AFTPH: variants seen among roughly 807,000 people sequenced by gnomAD.
The protein encoded by AFTPH is aftiphilin.
Under a neutral mutation model 72.5 loss-of-function variants are expected in AFTPH, and 7 were observed. The ratio of observed to expected loss-of-function variants is 0.10; its 90% CI spans 0.05 to 0.18. AFTPH has a LOEUF of 0.18. Ranked by LOEUF, AFTPH falls within the 10% of genes least tolerant of loss-of-function variation. The pLI is 1.00. For missense variants in AFTPH, 979 were observed against 1,060.5 expected, an observed-to-expected ratio of 0.92 and a Z score of 1.07; for synonymous variants, 337 against 370.1, an observed-to-expected ratio of 0.91 and a Z score of 1.03.
chr2:64,552,471 A>G lies in AFTPH; in HGVS notation c.997A>G (p.Lys333Glu). 3 of 1,614,066 alleles carry G rather than the reference A, an allele frequency of 1.9e-6. No individual in the cohort carries two copies. Among genetic ancestry groups the G allele is most frequent in the South Asian group, 1.1e-5 (1 of 91,080 alleles). The change falls in exon 2 of 9, where the codon AAG becomes GAG. Residue 333 changes from lysine to glutamate, a missense_variant. Physicochemically the swap from Lys to Glu is moderately conservative, Grantham distance 56. Transcript: ENST00000238856. ...ATTTTTACAGTCAGGTGTTCAGTCA[A>G]AGGCTTGGAGTTTGGTAGACTCAGC...
intron 1 of AFTPH, among the ~76,000 whole-genome samples, chr2:64,527,744 A>G (rs1364533778): frequency 6.6e-6 from 1 of 152,216 alleles, no homozygotes; most frequent in Non-Finnish European, 1.5e-5. Flanking sequence ...AAGTTAAAAA[A>G]ATGTTTTTAA....
chr2:64,555,234 A>G (rs1249167724), intron 2 of AFTPH, among the ~76,000 whole-genome samples: 1 of 152,174 alleles, frequency 6.6e-6, no homozygotes, highest in African/African-American at 2.4e-5. Context: ...TTTTATAAAA[A>G]TAAAACAAAC....
chr2:64,563,287 T>C (rs1671846041), intron 2 of AFTPH, among the ~76,000 whole-genome samples: 1 of 152,206 alleles, frequency 6.6e-6, no homozygotes, highest in Non-Finnish European at 1.5e-5. Flanking sequence ...GAGAGGATGA[T>C]TGTATTGTAA....
At chr2:64,569,259 G>T (rs1672273758) in intron 4 of AFTPH, 41 bp downstream of exon 4, 3 of 1,571,158 alleles carry the variant, frequency 1.9e-6, no homozygotes, top group Non-Finnish European at 2.6e-6. Flanking sequence ...TAATCAACCT[G>T]TGGATGTTTT....
rs75044370 is a variant in AFTPH at position 64,557,662 on chromosome 2, C to T, written c.1935+4253C>T. ...TGTTCTTAAACTGAATATAACCAGT[C>T]CTACCTTTTCATCTTCACTTATTTA... On this transcript the variant is annotated intron_variant, in intron 2 of 8. Coordinates refer to ENST00000238856, the Ensembl canonical transcript of AFTPH. 1.1e-4 allele frequency among the ~76,000 whole-genome samples: 16 copies of T among 152,254 alleles called. No individual in the cohort carries two copies. In the East Asian group the frequency reaches 2.9e-3, roughly 28 times the overall value.
At chr2:64,543,823 AC>A (rs959648608) in intron 1 of AFTPH, among the ~76,000 whole-genome samples, 1 of 152,066 alleles carries the variant, frequency 6.6e-6, no homozygotes, top group Non-Finnish European at 1.5e-5. Flanking sequence ...TTGCCTTTTG[AC>A]CCCAGAGCTT....
At chr2:64,549,923 A>G (rs1670929685) in intron 1 of AFTPH, among the ~76,000 whole-genome samples, 1 of 152,270 alleles carries the variant, frequency 6.6e-6, no homozygotes, top group Admixed American at 6.5e-5. Context: ...TGACAGCAAA[A>G]TAATGAAGAA....
intron 5 of AFTPH, 92 bp from the exon 6 acceptor site, chr2:64,572,854 C>G: frequency 6.6e-7 from 1 of 1,506,590 alleles, no homozygotes; most frequent in South Asian, 1.3e-5. Context: ...TTCCAAGTGA[C>G]CTGTTTTTTA....
intron 5 of AFTPH, among the ~76,000 whole-genome samples, chr2:64,572,167 C>A (rs1282179058): frequency 3.4e-5 from 5 of 148,746 alleles, no homozygotes; most frequent in Non-Finnish European, 1.5e-5. Context: ...TTGCAGTGAG[C>A]TGAGATCACA....
chr2:64,566,343 G>A (rs1204242119), intron 2 of AFTPH, among the ~76,000 whole-genome samples: 2 of 152,114 alleles, frequency 1.3e-5, no homozygotes, highest in Non-Finnish European at 2.9e-5. Flanking sequence ...AGTACCCTAA[G>A]ACTAATTATG....
At chr2:64,575,594 G>T (rs559810372) in intron 6 of AFTPH, among the ~76,000 whole-genome samples, 6 of 151,696 alleles carry the variant, frequency 4.0e-5, no homozygotes, top group Non-Finnish European at 5.9e-5. Context: ...TCCAGCCTAG[G>T]CAACAGAGTA....
At chr2:64,582,211 C>A (rs1435602176) in intron 7 of AFTPH, among the ~76,000 whole-genome samples, 1 of 152,206 alleles carries the variant, frequency 6.6e-6, no homozygotes, top group Non-Finnish European at 1.5e-5. Flanking sequence ...GCCAGATTCA[C>A]AACTAGCCTG....
chr2:64,577,808 G>C (rs966390195), intron 6 of AFTPH, among the ~76,000 whole-genome samples: 1 of 152,208 alleles, frequency 6.6e-6, no homozygotes, highest in African/African-American at 2.4e-5. Context: ...GTACAGAGAA[G>C]TCCCTTGTAC....
intron 6 of AFTPH, among the ~76,000 whole-genome samples, chr2:64,573,481 A>G (rs1440342554): frequency 6.6e-6 from 1 of 151,936 alleles, no homozygotes; most frequent in Non-Finnish European, 1.5e-5. Context: ...ATTTATACCA[A>G]CTCTATAAGT....
chr2:64,549,831 A>C (rs1174202939), intron 1 of AFTPH, among the ~76,000 whole-genome samples: 5 of 152,224 alleles, frequency 3.3e-5, no homozygotes, highest in Non-Finnish European at 7.3e-5. Flanking sequence ...CACCAAAATA[A>C]GTTCTAGATG....
chr2:64,532,374 G>A (rs556762908), intron 1 of AFTPH, among the ~76,000 whole-genome samples: 1 of 152,096 alleles, frequency 6.6e-6, no homozygotes, highest in Non-Finnish European at 1.5e-5. Flanking sequence ...AAGAGGATTG[G>A]CATGATCAAA....
chr2:64,553,274 G>A (rs1671158164), exon 2 of AFTPH: 1 of 1,614,114 alleles, frequency 6.2e-7, no homozygotes, highest in Non-Finnish European at 8.5e-7. Flanking sequence ...ATCATCGAAA[G>A]GAAGCCTGGC....
chr2:64,575,723 G>A (rs62139391), intron 6 of AFTPH, among the ~76,000 whole-genome samples: 1 of 61,774 alleles, frequency 1.6e-5, no homozygotes, highest in Admixed American at 1.4e-4. Flanking sequence ...GTGTGTGTGT[G>A]TGTGTGTGTG....
chr2:64,577,690 T>C lies in AFTPH; in HGVS notation c.2395-1796T>C, dbSNP rs116989447. The stretch of plus-strand genomic sequence containing the variant: ...TCCTTTTATGATCAGCTAAAGAAGA[T>C]ATTTCTAAATATTTATTAGCTGTGC... On this transcript the variant is annotated intron_variant, in intron 6 of 8. Coordinates refer to ENST00000238856, the Ensembl canonical transcript of AFTPH. Among the ~76,000 whole-genome samples the C allele has an allele frequency of 9.9e-4, 151 of 152,308 alleles. 3 individuals are homozygous for C. In the East Asian group the frequency reaches 0.024, roughly 25 times the overall value.
Sources: gnomAD v4.1 joint callset for allele counts (sites outside exome capture counted in the v4.1 genomes callset) on GRCh38, gnomAD v4.1.1 for gene constraint, MANE v1.5 for transcripts, NCBI Gene and HGNC (gene_info 2026-07-23, HGNC 2026-07-21) for gene names.